Variants in MCF2L observed in about 807,000 individuals in gnomAD.
The protein encoded by MCF2L is MCF.2 cell line derived transforming sequence like, also known as guanine nucleotide exchange factor DBS.
A neutral mutation model predicts 153.4 loss-of-function variants in MCF2L; 97 were observed. The observed-to-expected ratio is 0.63, with a 90% CI of 0.54 to 0.75. The LOEUF (loss-of-function observed/expected upper bound fraction) is 0.75. Ranked by LOEUF, MCF2L falls within the 30% of genes least tolerant of loss-of-function variation. The pLI is 0.00. For missense variants in MCF2L, 1,347 were observed against 1,495.2 expected (o/e 0.90, Z 1.64); for synonymous variants, 659 against 632.2 (o/e 1.04, Z -0.64).
intron 9 of MCF2L, among the ~76,000 whole-genome samples, chr13:113,071,550 T>TA (rs2032920694): frequency 6.6e-6 from 1 of 152,244 alleles, no homozygotes; most frequent in Non-Finnish European, 1.5e-5. Context: ...CTAATTTTTG[T>TA]ATAAGGTATG....
intron 2 of MCF2L, among the ~76,000 whole-genome samples, chr13:112,931,352 T>C (rs1024963913): frequency 6.6e-6 from 1 of 152,182 alleles, no homozygotes; most frequent in East Asian, 1.9e-4. Flanking sequence ...TTCCCGTAGA[T>C]ACAGGTCGGC....
At chr13:112,928,410 T>C (rs901512982) in intron 2 of MCF2L, among the ~76,000 whole-genome samples, 1 of 152,262 alleles carries the variant, frequency 6.6e-6, no homozygotes, top group African/African-American at 2.4e-5. Context: ...ATTAATTCTC[T>C]GCGTGAATGT....
chr13:113,096,379 T>C lies in MCF2L; in HGVS notation c.3084T>C (p.Gly1028=). The C allele has an allele frequency of 6.3e-7, 1 of 1,578,400 alleles. No individual in the cohort carries two copies. The highest frequency in any genetic ancestry group is 8.6e-7 in the Non-Finnish European group (1 of 1,163,240). ...GGLGPKKLVP[G]KYTVVADHEK... Reference sequence around the variant, plus strand: ...TGCCCGTCTCCCACCAGGTTCCAGGTAAATACACGGTCGTGGCGGACCACG... The same window carrying C: ...TGCCCGTCTCCCACCAGGTTCCAGGCAAATACACGGTCGTGGCGGACCACG... The change falls in exon 28 of 30, where the codon GGT becomes GGC. Residue 1028 remains glycine, a synonymous_variant. Coordinates refer to ENST00000535094, the MANE Select transcript of MCF2L (RefSeq NM_001112732.3).
intron 5 of MCF2L, among the ~76,000 whole-genome samples, chr13:113,061,039 G>C (rs1359068416): frequency 1.3e-5 from 2 of 152,046 alleles, no homozygotes; most frequent in African/African-American, 4.8e-5. Flanking sequence ...AGACCCTAAG[G>C]GCTGAGAGTC....
At position 113,046,851 on chromosome 13, in the gene MCF2L, T is replaced by G. The variant is rs1010437768; in HGVS notation, c.369+1490T>G. ...ATGCTTCCAAAAAAGTAGACGTGTA[T>G]AGAATCGGTCTTCCTTTGTTTTAAC... On this transcript the variant is annotated intron_variant, in intron 4 of 29. Transcript: ENST00000535094. This position sits in a 1 kb window ranked among gnomAD's most constrained non-coding sequence, Gnocchi z 4.4. 5 of 341,762 alleles carry G rather than the reference T, an allele frequency of 1.5e-5. No individual in the cohort carries two copies. The highest frequency in any genetic ancestry group is 1.3e-4 in the Admixed American group (3 of 23,824). The allele number at this position is 341,762 out of a possible 1,614,324, so 21.2% of individuals were successfully genotyped here.
intron 2 of MCF2L, among the ~76,000 whole-genome samples, chr13:112,918,651 T>C (rs1052514728): frequency 2.0e-5 from 3 of 152,164 alleles, no homozygotes; most frequent in African/African-American, 4.8e-5. Flanking sequence ...GCAGAGCTGG[T>C]GTCTGTCACT....
At chr13:113,011,651 GGACGGTGGACACTGTGATGCA>G (rs1382659409) in intron 1 of MCF2L, among the ~76,000 whole-genome samples, 45 of 103,376 alleles carry the variant, frequency 4.4e-4, no homozygotes, top group African/African-American at 1.3e-3. Context: ...CAGGCAGTGT[GGACGGTGGACACTGTGATGCA>G]GACGGTGGAC....
chr13:113,022,772 C>CGCG (rs1306225461), intron 2 of MCF2L, among the ~76,000 whole-genome samples: 2 of 152,232 alleles, frequency 1.3e-5, no homozygotes, highest in Non-Finnish European at 2.9e-5. Context: ...GAGCCCCCAC[C>CGCG]GCGGCGGCGG....
At chr13:112,954,390 C>A (rs1278946437) in intron 2 of MCF2L, among the ~76,000 whole-genome samples, 1 of 152,150 alleles carries the variant, frequency 6.6e-6, no homozygotes, top group Non-Finnish European at 1.5e-5. Context: ...GGAGGCAGCA[C>A]CCCCGGCTTC....
chr13:113,094,918 T>C, intron 27 of MCF2L: 1 of 1,327,002 alleles, frequency 7.5e-7, no homozygotes, highest in Non-Finnish European at 1.0e-6. Context: ...CCCCAGCTCC[T>C]CCTAGCTCCT....
intron 1 of MCF2L, among the ~76,000 whole-genome samples, chr13:113,002,668 G>A (rs1028231325): frequency 3.9e-5 from 6 of 152,234 alleles, no homozygotes; most frequent in Admixed American, 6.5e-5. Flanking sequence ...AAGGGGTCAC[G>A]TGGGGAGGAA....
chr13:113,015,482 C>T (rs1013689891), intron 2 of MCF2L, among the ~76,000 whole-genome samples: 2 of 152,048 alleles, frequency 1.3e-5, no homozygotes, highest in African/African-American at 4.8e-5. Context: ...GAGGAGGGTG[C>T]CCCGATGCTG....
At chr13:112,977,278 G>C (rs973683942) in intron 1 of MCF2L, among the ~76,000 whole-genome samples, 1 of 152,152 alleles carries the variant, frequency 6.6e-6, no homozygotes, top group Admixed American at 6.5e-5. Context: ...CACTTCTCAG[G>C]GGCCCAACCA....
intron 2 of MCF2L, among the ~76,000 whole-genome samples, chr13:113,020,503 G>C (rs2084805695): frequency 6.6e-6 from 1 of 152,240 alleles, no homozygotes; most frequent in African/African-American, 2.4e-5. Context: ...TATTTCTCTT[G>C]GTTCTGGGGC....
At chr13:112,962,768 C>T (rs373399538) in intron 2 of MCF2L, among the ~76,000 whole-genome samples, 50 of 152,264 alleles carry the variant, frequency 3.3e-4, no homozygotes, top group African/African-American at 1.2e-3. Flanking sequence ...AGGAAGGAGC[C>T]CCCCGTGTGC....
At position 112,983,458 on chromosome 13, in the gene MCF2L, G is replaced by A. The variant is rs1395020258; in HGVS notation, c.79+14000G>A. ...TTCTCCAGGCATTGCCCTGCACCTC[G>A]AGGGGCAGCGGGGCTTAAGTCAAGC... On this transcript the variant is annotated intron_variant, in intron 1 of 29. Transcript: ENST00000535094. The surrounding 1 kb of genome is among the most constrained non-coding windows in gnomAD (Gnocchi z 4.0). Among the ~76,000 whole-genome samples the A allele has an allele frequency of 6.6e-6, 1 of 152,182 alleles. No homozygotes were observed. Among genetic ancestry groups the A allele is most frequent in the Non-Finnish European group, 1.5e-5 (1 of 68,026 alleles).
intron 1 of MCF2L, among the ~76,000 whole-genome samples, chr13:112,982,702 C>T (rs2082482323): frequency 6.6e-6 from 1 of 152,170 alleles, no homozygotes; most frequent in Middle Eastern, 3.2e-3. Context: ...CGCTTACCCT[C>T]AGGACAGGGT....
intron 2 of MCF2L, among the ~76,000 whole-genome samples, chr13:112,937,626 T>G (rs2081527979): frequency 6.6e-6 from 1 of 152,218 alleles, no homozygotes; most frequent in African/African-American, 2.4e-5. Context: ...CAGGTCCCAT[T>G]CAGGTCAATT....
intron 2 of MCF2L, among the ~76,000 whole-genome samples, chr13:112,945,865 G>C (rs2081631767): frequency 6.6e-6 from 1 of 152,136 alleles, no homozygotes; most frequent in Non-Finnish European, 1.5e-5. Context: ...GATGAGGAGG[G>C]GCCCATGGAG....
Sources: allele counts gnomAD v4.1 joint callset (sites outside exome capture counted in the v4.1 genomes callset), GRCh38; gene constraint gnomAD v4.1.1; non-coding constraint Gnocchi (gnomAD v3.1); transcripts MANE v1.5; gene names NCBI Gene and HGNC (gene_info 2026-07-23, HGNC 2026-07-21).